Variants in GRM7 observed in about 807,000 individuals in gnomAD.
GRM7 encodes the protein glutamate metabotropic receptor 7.
GRM7 carries 35 observed loss-of-function variants against 84.5 expected under a neutral mutation model. The observed-to-expected ratio is 0.41, with a 90% CI of 0.32 to 0.55. The LOEUF (loss-of-function observed/expected upper bound fraction) is 0.55. GRM7 is among the 20% of genes least tolerant of loss of function. The probability of loss-of-function intolerance (pLI) is 0.19; values close to 1 mark genes in which losing one functional copy is unlikely to be tolerated. For synonymous variants in GRM7, 487 were observed against 455.1 expected, an observed-to-expected ratio of 1.07 and a Z score of -0.89; for missense variants, 1,003 against 1,194.6, an observed-to-expected ratio of 0.84 and a Z score of 2.36.
intron 1 of GRM7, among the ~76,000 whole-genome samples, chr3:6,896,975 A>T (rs1696206169): frequency 6.6e-6 from 1 of 152,166 alleles, no homozygotes. Flanking sequence ...TGTTTGCCTA[A>T]GTGTTTGAAT....
At chr3:7,224,322 G>T (rs1051012966) in intron 2 of GRM7, among the ~76,000 whole-genome samples, 1 of 152,100 alleles carries the variant, frequency 6.6e-6, no homozygotes, top group Non-Finnish European at 1.5e-5. Flanking sequence ...TAGAACTCAT[G>T]AGAATTTGCT....
At chr3:6,979,105 C>G (rs570495295) in intron 1 of GRM7, among the ~76,000 whole-genome samples, 2 of 152,134 alleles carry the variant, frequency 1.3e-5, no homozygotes, top group Admixed American at 1.3e-4. Flanking sequence ...CAGTAAGTAT[C>G]GACACTAAAA....
At chr3:7,666,966 C>A (rs1394332220) in intron 8 of GRM7, among the ~76,000 whole-genome samples, 1 of 151,974 alleles carries the variant, frequency 6.6e-6, no homozygotes, top group Non-Finnish European at 1.5e-5. Flanking sequence ...CAGCGAATGC[C>A]CTATTTTTGA....
chr3:6,933,971 G>A (rs1472629167), intron 1 of GRM7, among the ~76,000 whole-genome samples: 2 of 152,146 alleles, frequency 1.3e-5, no homozygotes, highest in Non-Finnish European at 2.9e-5. Flanking sequence ...AAAGTTAAAT[G>A]AGGACAAGGT....
At chr3:7,495,632 C>A (rs150631171) in intron 7 of GRM7, among the ~76,000 whole-genome samples, 2 of 152,246 alleles carry the variant, frequency 1.3e-5, no homozygotes, top group African/African-American at 4.8e-5. Flanking sequence ...GTCCCTCTCC[C>A]GATTGCTTAT....
intron 7 of GRM7, among the ~76,000 whole-genome samples, chr3:7,474,429 A>G (rs1698835500): frequency 7.0e-6 from 1 of 143,616 alleles, no homozygotes; most frequent in South Asian, 2.2e-4. Context: ...ATGTGTACAA[A>G]TAGCTTTTCT....
intron 7 of GRM7, among the ~76,000 whole-genome samples, chr3:7,548,173 G>A (rs554101205): frequency 1.3e-5 from 2 of 152,332 alleles, no homozygotes; most frequent in East Asian, 3.9e-4. Flanking sequence ...TGGGTCATAG[G>A]TGAAGGTTCC....
chr3:7,669,533 G>A (rs1467415188), intron 8 of GRM7, among the ~76,000 whole-genome samples: 1 of 152,174 alleles, frequency 6.6e-6, no homozygotes, highest in African/African-American at 2.4e-5. Flanking sequence ...TAATGCAGCA[G>A]GACAGAGTTT....
intron 1 of GRM7, among the ~76,000 whole-genome samples, chr3:7,013,145 A>AG (rs1553606591): frequency 1.3e-5 from 2 of 150,406 alleles, no homozygotes; most frequent in African/African-American, 4.9e-5. Flanking sequence ...AAAAAAAAAA[A>AG]GTTCAGAAAC....
At position 7,031,589 on chromosome 3, in the gene GRM7, TG is replaced by T. The variant is rs528710051; in HGVS notation, c.520-114862del. ...CCGCCACCACGCCCAGCTAATTTTT[TG>T]TATTTTTAGTAGAGACAGGGATTTC... On this transcript the variant is annotated intron_variant, in intron 1 of 9. Transcript: ENST00000357716. 3.6e-3 allele frequency among the ~76,000 whole-genome samples: 546 copies of T among 152,112 alleles called. 7 individuals are homozygous for T. The highest frequency in any genetic ancestry group is 0.012 in the African/African-American group (509 of 41,496).
chr3:7,324,752 C>T (rs542787001), intron 4 of GRM7, among the ~76,000 whole-genome samples: 1 of 152,106 alleles, frequency 6.6e-6, no homozygotes, highest in East Asian at 1.9e-4. Context: ...TCCCGGGAAC[C>T]ATCTCAACCC....
chr3:7,008,626 C>T (rs569420816), intron 1 of GRM7, among the ~76,000 whole-genome samples: 72 of 152,284 alleles, frequency 4.7e-4, no homozygotes, highest in Admixed American at 3.3e-3. Context: ...AAGAAAACAA[C>T]TTGATGATGA....
chr3:7,108,626 C>A (rs915267863), intron 1 of GRM7, among the ~76,000 whole-genome samples: 3 of 150,564 alleles, frequency 2.0e-5, no homozygotes, highest in Admixed American at 1.3e-4. Context: ...TCAGTCAGTC[C>A]CCATTCATTA....
At chr3:7,503,919 A>C (rs1403469230) in intron 7 of GRM7, among the ~76,000 whole-genome samples, 3 of 152,178 alleles carry the variant, frequency 2.0e-5, no homozygotes, top group Non-Finnish European at 4.4e-5. Context: ...CTCACATGCT[A>C]CCAAACTAAC....
At chr3:7,539,218 C>A (rs1444928828) in intron 7 of GRM7, among the ~76,000 whole-genome samples, 1 of 152,122 alleles carries the variant, frequency 6.6e-6, no homozygotes, top group East Asian at 1.9e-4. Context: ...CTCCACCAAA[C>A]CCTCATCCTA....
chr3:6,940,360 G>C (rs1697846605), intron 1 of GRM7, among the ~76,000 whole-genome samples: 1 of 152,164 alleles, frequency 6.6e-6, no homozygotes, highest in South Asian at 2.1e-4. Context: ...AAAGTGCTGG[G>C]ATTACAGGAG....
intron 8 of GRM7, among the ~76,000 whole-genome samples, chr3:7,602,436 G>A (rs960536849): frequency 3.9e-5 from 6 of 152,086 alleles, no homozygotes; most frequent in Admixed American, 2.6e-4. Flanking sequence ...ATCATCTACT[G>A]AGATGAAAGA....
At chr3:7,738,459 T>C (rs548418067) in intron 9 of GRM7, among the ~76,000 whole-genome samples, 8 of 152,178 alleles carry the variant, frequency 5.3e-5, no homozygotes, top group Non-Finnish European at 1.2e-4. Flanking sequence ...ATTATTTTTA[T>C]ATCCAATTTT....
At chr3:7,019,683 T>C (rs1348856782) in intron 1 of GRM7, among the ~76,000 whole-genome samples, 1 of 152,166 alleles carries the variant, frequency 6.6e-6, no homozygotes, top group Non-Finnish European at 1.5e-5. Flanking sequence ...GTCATGTGAT[T>C]ATGACTAATT....
Sources: allele counts gnomAD v4.1 joint callset (sites outside exome capture counted in the v4.1 genomes callset), GRCh38; gene constraint gnomAD v4.1.1; transcripts MANE v1.5; gene names NCBI Gene and HGNC (gene_info 2026-07-23, HGNC 2026-07-21).